Variants in MALRD1 observed in about 807,000 individuals in gnomAD.
MALRD1 encodes the protein MAM and LDL-receptor class A domain-containing protein 1.
A neutral mutation model predicts 242.1 loss-of-function variants in MALRD1; 247 were observed. The observed-to-expected ratio is 1.02, with a 90% CI of 0.92 to 1.13. The LOEUF is 1.13. MALRD1 is among the 50% of genes most tolerant of loss of function. MALRD1 has a pLI of 0.00. For synonymous variants in MALRD1, 995 were observed against 866.6 expected, an observed-to-expected ratio of 1.15 and a Z score of -2.60; for missense variants, 2,989 against 2,533.1, an observed-to-expected ratio of 1.18 and a Z score of -3.86.
intron 28 of MALRD1, among the ~76,000 whole-genome samples, chr10:19,423,054 G>C (rs1159225097): frequency 3.3e-5 from 5 of 152,114 alleles, no homozygotes; most frequent in Admixed American, 6.6e-5. Flanking sequence ...TCAGGTTGGA[G>C]GATGCCTTTA....
At chr10:19,384,439 A>G (rs1207952855) in intron 26 of MALRD1, among the ~76,000 whole-genome samples, 2 of 117,554 alleles carry the variant, frequency 1.7e-5, no homozygotes, top group African/African-American at 6.8e-5. Context: ...TATATTATAT[A>G]TTATATAGTA....
intron 30 of MALRD1, 82 bp downstream of exon 30, chr10:19,491,727 A>T (rs1414410223): frequency 4.2e-6 from 6 of 1,417,582 alleles, no homozygotes; most frequent in Non-Finnish European, 5.7e-6. Flanking sequence ...GGTGTTGATG[A>T]TGGAGAAGAA....
At chr10:19,275,451 G>A (rs1053653443) in intron 19 of MALRD1, among the ~76,000 whole-genome samples, 2 of 152,114 alleles carry the variant, frequency 1.3e-5, no homozygotes, top group Non-Finnish European at 2.9e-5. Flanking sequence ...GGCAGATCAC[G>A]AGGTCAGGAG....
At chr10:19,467,863 G>A (rs773966080) in intron 29 of MALRD1, among the ~76,000 whole-genome samples, 3 of 151,564 alleles carry the variant, frequency 2.0e-5, no homozygotes, top group East Asian at 3.9e-4. Context: ...GCACGATCTC[G>A]GCTCACTGCA....
intron 13 of MALRD1, among the ~76,000 whole-genome samples, chr10:19,169,299 A>G (rs1212871876): frequency 6.6e-6 from 1 of 152,216 alleles, no homozygotes; most frequent in Non-Finnish European, 1.5e-5. Flanking sequence ...GTGGACTTGC[A>G]ATGATGTTCT....
chr10:19,586,480 C>T (rs191552229), intron 33 of MALRD1, among the ~76,000 whole-genome samples: 4 of 152,120 alleles, frequency 2.6e-5, no homozygotes, highest in Non-Finnish European at 4.4e-5. Context: ...TTGGAGTACC[C>T]GGCCGTGTGA....
intron 36 of MALRD1, among the ~76,000 whole-genome samples, chr10:19,671,219 C>T (rs140602133): frequency 1.3e-5 from 2 of 152,238 alleles, no homozygotes; most frequent in South Asian, 4.1e-4. Flanking sequence ...AAAACCCCTT[C>T]TATTTAGTAT....
intron 35 of MALRD1, among the ~76,000 whole-genome samples, chr10:19,613,570 A>G (rs10508587): frequency 0.043 from 6,553 of 152,082 alleles, 422 homozygotes; most frequent in African/African-American, 0.14. Flanking sequence ...TCAGGCAACC[A>G]TTATATTTTT....
At chr10:19,427,747 T>TAATAA (rs1486218758) in intron 28 of MALRD1, among the ~76,000 whole-genome samples, 1 of 152,178 alleles carries the variant, frequency 6.6e-6, no homozygotes, top group African/African-American at 2.4e-5. Context: ...GTTACATCTA[T>TAATAA]TTTGGGGTTA....
intron 26 of MALRD1, among the ~76,000 whole-genome samples, chr10:19,365,849 T>G (rs1450123855): frequency 8.6e-5 from 13 of 152,038 alleles, no homozygotes. Context: ...AGAGAACATC[T>G]ACATCAACCC....
intron 27 of MALRD1, 113 bp downstream of exon 27, chr10:19,387,886 A>C: frequency 7.6e-7 from 1 of 1,312,356 alleles, no homozygotes; most frequent in Non-Finnish European, 1.0e-6. Flanking sequence ...ATGGTATTGC[A>C]AGGCGATCAA....
At chr10:19,054,848 CTGCAATAAACATAGGAG>C (rs1383628815) in intron 1 of MALRD1, among the ~76,000 whole-genome samples, 1 of 152,150 alleles carries the variant, frequency 6.6e-6, no homozygotes, top group Non-Finnish European at 1.5e-5. Flanking sequence ...GTGAATAGTA[CTGCAATAAACATAGGAG>C]TGCAGATATC....
chr10:19,669,519 T>C lies in MALRD1; in HGVS notation c.6138-22763T>C, dbSNP rs145110064. The stretch of plus-strand genomic sequence containing the variant: ...ACAGGGAGTTTTGGAAGTCTTCTTC[T>C]AAAACATTTGTAAGTTTCCCTTTCC... On this transcript the variant is annotated intron_variant, in intron 36 of 39. Transcript: ENST00000454679. 6.4e-3 allele frequency among the ~76,000 whole-genome samples: 977 copies of C among 152,278 alleles called. 13 individuals are homozygous for C. The highest frequency in any genetic ancestry group is 0.023 in the African/African-American group (937 of 41,554).
At position 19,504,367 on chromosome 10, in the gene MALRD1, C is replaced by A. The variant is rs377149220; in HGVS notation, c.5320+5721C>A. On this transcript the variant is annotated intron_variant, in intron 31 of 39. Coordinates refer to ENST00000454679, the MANE Select transcript of MALRD1 (RefSeq NM_001142308.3). ...TCCCCTTAACCTTCGTATTCAGGGC[C>A]ACTAAACCTCAATTTCACTCTTGAT... Among the ~76,000 whole-genome samples, 20 of 152,200 alleles carry A rather than the reference C, an allele frequency of 1.3e-4. 1 individual carries two copies. In the South Asian group the frequency reaches 4.1e-3, roughly 32 times the overall value.
intron 36 of MALRD1, among the ~76,000 whole-genome samples, chr10:19,673,407 A>T (rs970312447): frequency 4.6e-5 from 7 of 151,954 alleles, no homozygotes; most frequent in African/African-American, 1.5e-4. Flanking sequence ...AATAAATAAA[A>T]TTTTTTGCCT....
At chr10:19,689,232 CTGTG>C (rs147003604) in intron 36 of MALRD1, among the ~76,000 whole-genome samples, 1 of 150,360 alleles carries the variant, frequency 6.7e-6, no homozygotes, top group South Asian at 2.1e-4. Flanking sequence ...ATAGATACCT[CTGTG>C]TGTGTGTGTG....
chr10:19,409,013 C>A (rs1225075296), intron 28 of MALRD1, among the ~76,000 whole-genome samples: 1 of 152,188 alleles, frequency 6.6e-6, no homozygotes, highest in Non-Finnish European at 1.5e-5. Flanking sequence ...TAACAGCATT[C>A]TGTTAACTGT....
At chr10:19,194,831 CA>C in intron 14 of MALRD1, among the ~76,000 whole-genome samples, 1 of 152,322 alleles carries the variant, frequency 6.6e-6, no homozygotes, top group East Asian at 1.9e-4. Flanking sequence ...TCAGGACCCA[CA>C]AGGGCCTTAT....
chr10:19,190,335 A>T (rs77911379), intron 14 of MALRD1, among the ~76,000 whole-genome samples: 1 of 152,112 alleles, frequency 6.6e-6, no homozygotes, highest in African/African-American at 2.4e-5. Flanking sequence ...TTCCATGTTC[A>T]TAGATCAGAA....
Sources: allele counts gnomAD v4.1 joint callset (sites outside exome capture counted in the v4.1 genomes callset), GRCh38; gene constraint gnomAD v4.1.1; transcripts MANE v1.5; gene names NCBI Gene and HGNC (gene_info 2026-07-23, HGNC 2026-07-21).